The following CDC42SE2 variants were observed in gnomAD, a reference collection of about 807,000 sequenced individuals.
CDC42SE2 encodes the protein CDC42 small effector protein 2.
CDC42SE2 carries 3 observed loss-of-function variants against 11.5 expected under a neutral mutation model. That is an observed-to-expected ratio of 0.26 (90% CI 0.12 to 0.67). CDC42SE2 has a LOEUF of 0.67. Ranked by LOEUF, CDC42SE2 falls within the 30% of genes least tolerant of loss-of-function variation. The pLI, the probability that CDC42SE2 is intolerant of heterozygous loss-of-function variation, is 0.80. For missense variants in CDC42SE2, 82 were observed against 106.8 expected (o/e 0.77, Z 1.02); for synonymous variants, 33 against 34.8 (o/e 0.95, Z 0.18).
rs1181387856 is a variant in CDC42SE2 at position 131,310,192 on chromosome 5, A to G, written c.-454-5784A>G. On this transcript the variant is annotated intron_variant, in intron 1 of 4. Transcript: ENST00000505065. The stretch of plus-strand genomic sequence containing the variant: ...AAAGAACATCTTTATTTCTGCCTTC[A>G]TTTTGTTATGTACCCAGTAGTCATT... 5.0e-4 allele frequency among the ~76,000 whole-genome samples: 76 copies of G among 151,678 alleles called. 1 individual carries two copies. In the South Asian group the frequency reaches 0.016, roughly 32 times the overall value.
intron 1 of CDC42SE2, among the ~76,000 whole-genome samples, chr5:131,310,252 C>G (rs1479879638): frequency 2.6e-5 from 4 of 151,492 alleles, no homozygotes; most frequent in East Asian, 1.9e-4. Flanking sequence ...TGTAGTTGAG[C>G]GGTTTTGAGT....
intron 2 of CDC42SE2, among the ~76,000 whole-genome samples, chr5:131,319,571 CAGA>C (rs1758117363): frequency 6.6e-6 from 1 of 152,114 alleles, no homozygotes; most frequent in Non-Finnish European, 1.5e-5. Context: ...TCTCTTATAG[CAGA>C]ATCACCCAGG....
intron 2 of CDC42SE2, among the ~76,000 whole-genome samples, chr5:131,316,877 T>C (rs1029943136): frequency 2.0e-5 from 3 of 152,216 alleles, no homozygotes; most frequent in African/African-American, 7.2e-5. Flanking sequence ...ATTTATTTGG[T>C]TTCTTCCTTT....
chr5:131,312,651 T>G (rs1757948625), intron 1 of CDC42SE2, among the ~76,000 whole-genome samples: 1 of 152,166 alleles, frequency 6.6e-6, no homozygotes, highest in Non-Finnish European at 1.5e-5. Flanking sequence ...GGTGCGCTGT[T>G]TTTTAAGCCC....
chr5:131,295,491 G>C lies in CDC42SE2; in HGVS notation c.-454-20485G>C, dbSNP rs1053894970. Among the ~76,000 whole-genome samples the C allele has an allele frequency of 3.3e-5, 5 of 152,264 alleles. No individual in the cohort carries two copies. The East Asian group carries it at 9.6e-4, about 29-fold the overall frequency. The stretch of plus-strand genomic sequence containing the variant: ...ATACAGAATGGTCTCCAAGACACAT[G>C]TGAAGTGGTTAACAAAAGGTTCAGA... On this transcript the variant is annotated intron_variant, in intron 1 of 4. Transcript: ENST00000505065.
chr5:131,353,151 A>G (rs775719734), intron 2 of CDC42SE2, among the ~76,000 whole-genome samples: 32 of 151,950 alleles, frequency 2.1e-4, no homozygotes, highest in Non-Finnish European at 4.3e-4. Context: ...ATGTTTTTGT[A>G]GTTACGGAAT....
intron 2 of CDC42SE2, among the ~76,000 whole-genome samples, chr5:131,258,221 TTTA>T (rs1451206218): frequency 2.6e-5 from 4 of 152,174 alleles, no homozygotes; most frequent in African/African-American, 9.7e-5. Context: ...CCCCTTTCTC[TTTA>T]TTGTTTTTTT....
intron 1 of CDC42SE2, among the ~76,000 whole-genome samples, chr5:131,297,534 A>G (rs979230835): frequency 1.3e-5 from 2 of 152,040 alleles, no homozygotes; most frequent in Non-Finnish European, 2.9e-5. Context: ...CCTGGCTAAC[A>G]TGATGAAACC....
the CDC42SE2 span, among the ~76,000 whole-genome samples, chr5:131,211,124 A>C: frequency 1.5e-4 from 23 of 152,320 alleles, no homozygotes; most frequent in African/African-American, 5.5e-4. Flanking sequence ...GATGTGAGCC[A>C]CCGCGCCCTG....
chr5:131,352,711 A>C (rs961759977), intron 2 of CDC42SE2, among the ~76,000 whole-genome samples: 4 of 152,288 alleles, frequency 2.6e-5, no homozygotes, highest in African/African-American at 9.6e-5. Context: ...GTGAGTATCA[A>C]CTGTTTCAGC....
rs531594695 is a variant in CDC42SE2 at position 131,339,516 on chromosome 5, T to A, written c.-285-19693T>A. On this transcript the variant is annotated intron_variant, in intron 2 of 4. Transcript: ENST00000505065. ...CAAATAGAACTTATTAAAATGAAAA[T>A]TATCATTTGGCCAAGCGCGGTTGCT... Among the ~76,000 whole-genome samples, 3 of 152,024 alleles carry A rather than the reference T, an allele frequency of 2.0e-5. No individual in the cohort carries two copies. The East Asian group carries it at 5.8e-4, about 29-fold the overall frequency.
At chr5:131,287,530 A>G (rs1396778727) in intron 1 of CDC42SE2, among the ~76,000 whole-genome samples, 1 of 150,722 alleles carries the variant, frequency 6.6e-6, no homozygotes, top group Admixed American at 6.6e-5. Flanking sequence ...TGGCACGATC[A>G]TGTCTCACTG....
At chr5:131,310,576 G>A (rs1257700978) in intron 1 of CDC42SE2, among the ~76,000 whole-genome samples, 2 of 151,212 alleles carry the variant, frequency 1.3e-5, no homozygotes, top group African/African-American at 2.5e-5. Context: ...TAATGTGTGG[G>A]AGTCTAAGTC....
intron 3 of CDC42SE2, among the ~76,000 whole-genome samples, chr5:131,383,313 C>T (rs976790453): frequency 7.2e-5 from 11 of 152,176 alleles, no homozygotes; most frequent in African/African-American, 2.4e-4. Flanking sequence ...AACACATAGA[C>T]AAAAGCCTCT....
At chr5:131,269,123 T>C (rs1398645911) in intron 1 of CDC42SE2, among the ~76,000 whole-genome samples, 1 of 152,112 alleles carries the variant, frequency 6.6e-6, no homozygotes, top group African/African-American at 2.4e-5. Flanking sequence ...ACTTGTATCT[T>C]TCTATAATAC....
intron 2 of CDC42SE2, among the ~76,000 whole-genome samples, chr5:131,358,738 AGTTT>A (rs1749625343): frequency 1.3e-5 from 2 of 152,142 alleles, no homozygotes; most frequent in Non-Finnish European, 2.9e-5. Context: ...TAAGGTAATA[AGTTT>A]GTTTATGGTT....
chr5:131,278,853 TGGCTCACTGCAACCTCTGCCTCCTA>T (rs1429302197), intron 1 of CDC42SE2, among the ~76,000 whole-genome samples: 87 of 135,232 alleles, frequency 6.4e-4, no homozygotes, highest in African/African-American at 2.3e-3. Context: ...GGCTTGGTCT[TGGCTCACTGCAACCTCTGCCTCCTA>T]GGTTCAAGTG....
intron 1 of CDC42SE2, among the ~76,000 whole-genome samples, chr5:131,310,072 T>C (rs1757869977): frequency 6.6e-6 from 1 of 152,212 alleles, no homozygotes; most frequent in Non-Finnish European, 1.5e-5. Flanking sequence ...CTGCTTTCTG[T>C]TGTGGGCATT....
At chr5:131,350,606 T>TG (rs1758982428) in intron 2 of CDC42SE2, among the ~76,000 whole-genome samples, 2 of 130,696 alleles carry the variant, frequency 1.5e-5, no homozygotes, top group African/African-American at 7.5e-5. Context: ...CAAAATTTAT[T>TG]TTGTGTGTGT....
Sources: gnomAD v4.1 joint callset for allele counts (sites outside exome capture counted in the v4.1 genomes callset) on GRCh38, gnomAD v4.1.1 for gene constraint, MANE v1.5 for transcripts, NCBI Gene and HGNC (gene_info 2026-07-23, HGNC 2026-07-21) for gene names.